The following SAXO5 variants were observed in gnomAD, a reference collection of about 807,000 sequenced individuals.
SAXO5 encodes the protein testis expressed 45.
chr19:7,506,238 CATGGAG>C, the SAXO5 span: 57 of 670,964 alleles, frequency 8.5e-5, no homozygotes, highest in Non-Finnish European at 1.1e-4. Flanking sequence ...GCCCCGCCCC[CATGGAG>C]CCCCTCCCCA....
the SAXO5 span, among the ~76,000 whole-genome samples, chr19:7,507,337 C>T: frequency 6.6e-6 from 1 of 152,140 alleles, no homozygotes; most frequent in African/African-American, 2.4e-5. Flanking sequence ...AATCCCAGCG[C>T]TTTGGGAGGC....
At chr19:7,502,218 A>T in the SAXO5 span, among the ~76,000 whole-genome samples, 1 of 152,058 alleles carries the variant, frequency 6.6e-6, no homozygotes, top group Non-Finnish European at 1.5e-5. Context: ...TGATCCTCCC[A>T]CCTCAGCCTC....
chr19:7,504,969 T>C, the SAXO5 span, among the ~76,000 whole-genome samples: 1 of 148,492 alleles, frequency 6.7e-6, no homozygotes, highest in Admixed American at 6.8e-5. Context: ...TTTAGCTTCT[T>C]CTTCTTCTTT....
the SAXO5 span, among the ~76,000 whole-genome samples, chr19:7,504,715 A>T: frequency 6.6e-6 from 1 of 152,002 alleles, no homozygotes; most frequent in African/African-American, 2.4e-5. Flanking sequence ...CAAAAAAAAA[A>T]AAAAAGTGGG....
chr19:7,504,393 A>G, the SAXO5 span: 1 of 1,614,110 alleles, frequency 6.2e-7, no homozygotes, highest in Non-Finnish European at 8.5e-7. Context: ...TACAGGCCCC[A>G]GGATCTGCCT....
the SAXO5 span, chr19:7,506,161 G>T: frequency 3.1e-6 from 5 of 1,597,042 alleles, no homozygotes; most frequent in Non-Finnish European, 4.3e-6. Context: ...CGCGGGGCAC[G>T]GGCGGTGAGC....
At chr19:7,501,803 A>G in the SAXO5 span, among the ~76,000 whole-genome samples, 2 of 151,948 alleles carry the variant, frequency 1.3e-5, no homozygotes, top group East Asian at 1.9e-4. Flanking sequence ...CCTGGGAGAC[A>G]GAGCAAGGCT....
chr19:7,505,408 G>A, the SAXO5 span: 1 of 1,614,194 alleles, frequency 6.2e-7, no homozygotes, highest in Non-Finnish European at 8.5e-7. Context: ...GGACCACCAA[G>A]GCCGAGCACT....
At chr19:7,502,491 C>T in the SAXO5 span, among the ~76,000 whole-genome samples, 3 of 152,164 alleles carry the variant, frequency 2.0e-5, no homozygotes, top group Non-Finnish European at 4.4e-5. Context: ...TGCCAAGTAT[C>T]CTCCCAGCCA....
At chr19:7,500,137 TCA>T in the SAXO5 span, among the ~76,000 whole-genome samples, 8 of 152,118 alleles carry the variant, frequency 5.3e-5, no homozygotes, top group Non-Finnish European at 8.8e-5. Context: ...TTATTGTCTG[TCA>T]TCTCCCGCCC....
the SAXO5 span, chr19:7,501,124 C>A: frequency 7.3e-6 from 11 of 1,506,560 alleles, no homozygotes; most frequent in Non-Finnish European, 9.7e-6. Context: ...CAAGCGCAGG[C>A]GCGGGAACGC....
chr19:7,499,393 G>T, the SAXO5 span, among the ~76,000 whole-genome samples: 8 of 147,210 alleles, frequency 5.4e-5, no homozygotes, highest in African/African-American at 1.7e-4. Context: ...CGGGGGAGGG[G>T]GAGAGAAGGG....
At chr19:7,504,360 C>T in the SAXO5 span, 21 of 1,614,058 alleles carry the variant, frequency 1.3e-5, no homozygotes, top group African/African-American at 6.7e-5. Flanking sequence ...TATGGATCAA[C>T]GTGTTCGGAG....
At chr19:7,507,074 T>C in the SAXO5 span, 1 of 1,614,002 alleles carries the variant, frequency 6.2e-7, no homozygotes, top group South Asian at 1.1e-5. Context: ...TTTTTAACCA[T>C]GAACCAGAAG....
At chr19:7,501,062 G>C in the SAXO5 span, 6 of 1,504,512 alleles carry the variant, frequency 4.0e-6, no homozygotes, top group East Asian at 1.6e-4. Flanking sequence ...AGCGCGTGTC[G>C]GAGGCGCACC....
the SAXO5 span, among the ~76,000 whole-genome samples, chr19:7,502,852 C>G: frequency 6.6e-6 from 1 of 152,134 alleles, no homozygotes; most frequent in Non-Finnish European, 1.5e-5. Flanking sequence ...GAGCACTTAA[C>G]AAAGAGTAGC....
the SAXO5 span, chr19:7,501,027 A>G: frequency 3.5e-5 from 53 of 1,524,326 alleles, 1 homozygote; most frequent in Middle Eastern, 2.1e-4. Context: ...GCTTTTCCCA[A>G]TGGACCCGCG....
chr19:7,500,882 C>A, the SAXO5 span: 1 of 1,568,226 alleles, frequency 6.4e-7, no homozygotes. Context: ...GGCTGGACTT[C>A]CTCAAGGCCT....
chr19:7,504,579 G>A, the SAXO5 span, among the ~76,000 whole-genome samples: 17 of 152,042 alleles, frequency 1.1e-4, no homozygotes, highest in African/African-American at 3.1e-4. Context: ...GGTGGTGGGC[G>A]CCTGTAATCC....
Sources: allele counts gnomAD v4.1 joint callset (sites outside exome capture counted in the v4.1 genomes callset), GRCh38; gene constraint gnomAD v4.1.1; transcripts MANE v1.5; gene names NCBI Gene and HGNC (gene_info 2026-07-23, HGNC 2026-07-21).